The following ASTN2 variants were observed in gnomAD, a reference collection of about 807,000 sequenced individuals.
The protein encoded by ASTN2 is astrotactin-2.
ASTN2 carries 54 observed loss-of-function variants against 139.8 expected under a neutral mutation model. That is an observed-to-expected ratio of 0.39 (90% CI 0.31 to 0.48). The LOEUF is 0.48. ASTN2 is among the 20% of genes least tolerant of loss of function. The pLI, the probability that ASTN2 is intolerant of heterozygous loss-of-function variation, is 0.95. For synonymous variants in ASTN2, 756 were observed against 719.5 expected (o/e 1.05, Z -0.81); for missense variants, 1,565 against 1,725.1 (o/e 0.91, Z 1.64).
rs1017917297 is a variant in ASTN2, at chr9:116,658,126, G to T, written c.2807-6333C>A. Among the ~76,000 whole-genome samples, 5 of 152,088 alleles carry T rather than the reference G, an allele frequency of 3.3e-5. 1 individual carries two copies. Among genetic ancestry groups the T allele is most frequent in the Admixed American group, 2.6e-4 (4 of 15,270 alleles). ...TTTTGTTTTGTTTTGTTTTTGCAAAGAACTATTACCATGTTTGGAGTCTTC... is the reference window on the plus strand; with the variant it reads ...TTTTGTTTTGTTTTGTTTTTGCAAATAACTATTACCATGTTTGGAGTCTTC... On this transcript the variant is annotated intron_variant, in intron 16 of 22. Transcript: ENST00000313400.
chr9:116,564,481 A>G (rs4836759), intron 19 of ASTN2, among the ~76,000 whole-genome samples: 24,138 of 152,196 alleles, frequency 0.16, 2,083 homozygotes, highest in African/African-American at 0.21. Flanking sequence ...TAGCTCACCC[A>G]ATAAACGGGT....
intron 13 of ASTN2, among the ~76,000 whole-genome samples, chr9:116,737,920 C>T (rs1828982843): frequency 1.3e-5 from 2 of 151,964 alleles, no homozygotes; most frequent in Non-Finnish European, 2.9e-5. Context: ...TGGCCGGGCG[C>T]GGTGGCTCAC....
intron 4 of ASTN2, among the ~76,000 whole-genome samples, chr9:117,097,624 T>C (rs1329212757): frequency 1.3e-5 from 2 of 152,204 alleles, no homozygotes; most frequent in East Asian, 3.9e-4. Context: ...GCCTGAAAGA[T>C]GGGAACAGAG....
chr9:116,688,451 TG>T (rs1860386443), intron 16 of ASTN2, among the ~76,000 whole-genome samples: 1 of 152,186 alleles, frequency 6.6e-6, no homozygotes, highest in African/African-American at 2.4e-5. Context: ...TGTATGAAAC[TG>T]GATGAGTATA....
intron 6 of ASTN2, among the ~76,000 whole-genome samples, chr9:117,016,741 A>T (rs1415235086): frequency 4.2e-5 from 6 of 143,482 alleles, no homozygotes; most frequent in Non-Finnish European, 9.1e-5. Flanking sequence ...TATATAGGTT[A>T]TATATAGGTT....
chr9:117,297,708 C>A (rs1396175045), intron 1 of ASTN2, among the ~76,000 whole-genome samples: 2 of 152,192 alleles, frequency 1.3e-5, no homozygotes, highest in East Asian at 3.9e-4. Flanking sequence ...ATTATCAAAC[C>A]CTAAAAATGC....
intron 13 of ASTN2, among the ~76,000 whole-genome samples, chr9:116,780,257 T>A (rs2132202981): frequency 6.6e-6 from 1 of 152,274 alleles, no homozygotes; most frequent in East Asian, 1.9e-4. Flanking sequence ...AAATAAGTAA[T>A]AATAACTGCA....
At chr9:117,122,661 A>G (rs1464744246) in intron 4 of ASTN2, among the ~76,000 whole-genome samples, 2 of 152,182 alleles carry the variant, frequency 1.3e-5, no homozygotes, top group Admixed American at 1.3e-4. Flanking sequence ...AGAGAAAGAC[A>G]GGACAATCCT....
intron 10 of ASTN2, among the ~76,000 whole-genome samples, chr9:116,946,542 A>G (rs1452325930): frequency 6.6e-6 from 1 of 152,200 alleles, no homozygotes; most frequent in Non-Finnish European, 1.5e-5. Flanking sequence ...GAAATCTAAT[A>G]ATGATCACTG....
intron 13 of ASTN2, among the ~76,000 whole-genome samples, chr9:116,784,432 C>A (rs1830306369): frequency 2.0e-5 from 3 of 152,170 alleles, no homozygotes; most frequent in Admixed American, 1.3e-4. Context: ...ATATTGTCAT[C>A]ATTAATATTA....
intron 1 of ASTN2, among the ~76,000 whole-genome samples, chr9:117,387,389 C>A (rs917479585): frequency 1.5e-4 from 23 of 151,966 alleles, no homozygotes; most frequent in African/African-American, 5.3e-4. Flanking sequence ...TAAGTGCTGC[C>A]AATAGCAGGA....
At chr9:116,466,485 C>T (rs185646792) in intron 20 of ASTN2, among the ~76,000 whole-genome samples, 1 of 152,262 alleles carries the variant, frequency 6.6e-6, no homozygotes, top group East Asian at 1.9e-4. Flanking sequence ...TCCTACCAGC[C>T]CATTCTCTCT....
chr9:116,449,928 T>C (rs182570659), intron 20 of ASTN2, among the ~76,000 whole-genome samples: 3 of 152,270 alleles, frequency 2.0e-5, no homozygotes, highest in African/African-American at 7.2e-5. Flanking sequence ...CTCCCAGCTT[T>C]TGAATTCTTG....
At chr9:117,369,259 A>G (rs903053966) in intron 1 of ASTN2, among the ~76,000 whole-genome samples, 1 of 152,108 alleles carries the variant, frequency 6.6e-6, no homozygotes, top group Non-Finnish European at 1.5e-5. Context: ...CATGATTATA[A>G]TGATTCATTA....
At chr9:116,427,026 C>A (rs967717690) in intron 22 of ASTN2, among the ~76,000 whole-genome samples, 5 of 152,094 alleles carry the variant, frequency 3.3e-5, no homozygotes. Flanking sequence ...AGCCCTATAT[C>A]CAGCACGAGA....
At chr9:116,671,861 G>A (rs1215363260) in intron 16 of ASTN2, among the ~76,000 whole-genome samples, 1 of 152,070 alleles carries the variant, frequency 6.6e-6, no homozygotes, top group African/African-American at 2.4e-5. Context: ...CCCCATTTCA[G>A]CCTTCAGATG....
At chr9:117,000,078 A>T (rs1371916585) in intron 7 of ASTN2, among the ~76,000 whole-genome samples, 1 of 152,240 alleles carries the variant, frequency 6.6e-6, no homozygotes, top group Non-Finnish European at 1.5e-5. Context: ...ATAAGTGAAG[A>T]TACACATGAC....
intron 18 of ASTN2, among the ~76,000 whole-genome samples, chr9:116,618,706 T>C (rs887238228): frequency 6.6e-5 from 10 of 152,204 alleles, no homozygotes; most frequent in Non-Finnish European, 1.5e-4. Context: ...AAGTAGAATT[T>C]CATAAATTAA....
At position 116,673,873 on chromosome 9, in the gene ASTN2, C is replaced by T. The variant is rs566678491; in HGVS notation, c.2807-22080G>A. Among the ~76,000 whole-genome samples the T allele has an allele frequency of 7.4e-4, 112 of 152,280 alleles. 1 individual carries two copies. Among genetic ancestry groups the T allele is most frequent in the African/African-American group, 2.6e-3 (108 of 41,568 alleles). On this transcript the variant is annotated intron_variant, in intron 16 of 22. Coordinates refer to ENST00000313400, the MANE Select transcript of ASTN2 (RefSeq NM_001365068.1). ...TGCAACCTTAGCAAACTGATGAAGCCACCTTTGCTAAACTATGACTGAGAT... is the reference window on the plus strand; with the variant it reads ...TGCAACCTTAGCAAACTGATGAAGCTACCTTTGCTAAACTATGACTGAGAT...
Sources: allele counts gnomAD v4.1 joint callset (sites outside exome capture counted in the v4.1 genomes callset), GRCh38; gene constraint gnomAD v4.1.1; transcripts MANE v1.5; gene names NCBI Gene and HGNC (gene_info 2026-07-23, HGNC 2026-07-21).